The following TYW1 variants were observed in gnomAD, a reference collection of about 807,000 sequenced individuals.
The protein encoded by TYW1 is tRNA-yW synthesizing protein 1 homolog, also known as S-adenosyl-L-methionine-dependent tRNA 4-demethylwyosine synthase TYW1.
TYW1 carries 46 observed loss-of-function variants against 96.2 expected under a neutral mutation model. The ratio of observed to expected loss-of-function variants is 0.48; its 90% CI spans 0.38 to 0.61. The LOEUF (loss-of-function observed/expected upper bound fraction) is 0.61, where lower values mean the gene tolerates loss of function less well. TYW1 is among the 20% of genes least tolerant of loss of function. TYW1 has a pLI of 0.00. For missense variants in TYW1, 684 were observed against 909.6 expected, an observed-to-expected ratio of 0.75 and a Z score of 3.19; for synonymous variants, 274 against 323.0, an observed-to-expected ratio of 0.85 and a Z score of 1.63.
chr7:67,063,904 T>A (rs1795779971), intron 9 of TYW1, among the ~76,000 whole-genome samples: 1 of 152,136 alleles, frequency 6.6e-6, no homozygotes, highest in Non-Finnish European at 1.5e-5. Flanking sequence ...CCTGGCCGTA[T>A]TCTGTATATT....
intron 7 of TYW1, among the ~76,000 whole-genome samples, chr7:67,048,711 G>A (rs1217641145): frequency 6.6e-6 from 1 of 152,162 alleles, no homozygotes; most frequent in African/African-American, 2.4e-5. Context: ...AAGTCAACAG[G>A]AAACACAATT....
intron 7 of TYW1, among the ~76,000 whole-genome samples, chr7:67,029,085 GCCT>G (rs1346637509): frequency 4.6e-5 from 7 of 151,082 alleles, no homozygotes; most frequent in Non-Finnish European, 8.8e-5. Context: ...TGCAAGCTCT[GCCT>G]CCTGGGTTCA....
chr7:67,049,191 G>C (rs181061485), intron 7 of TYW1, among the ~76,000 whole-genome samples: 1 of 152,290 alleles, frequency 6.6e-6, no homozygotes, highest in Admixed American at 6.5e-5. Flanking sequence ...TTGTACATCA[G>C]GGGTTGTGCT....
At chr7:67,134,357 A>G (rs1189099647) in intron 13 of TYW1, among the ~76,000 whole-genome samples, 3 of 152,148 alleles carry the variant, frequency 2.0e-5, no homozygotes, top group African/African-American at 7.2e-5. Context: ...AGCCTGGACA[A>G]CATGGTGAAA....
intron 15 of TYW1, among the ~76,000 whole-genome samples, chr7:67,211,384 G>T (rs530416545): frequency 3.3e-5 from 5 of 152,124 alleles, no homozygotes; most frequent in Non-Finnish European, 7.4e-5. Flanking sequence ...AGTCAGCCAC[G>T]TGTTTTTGAC....
chr7:67,059,685 A>T (rs564980778), intron 9 of TYW1, among the ~76,000 whole-genome samples: 2 of 150,212 alleles, frequency 1.3e-5, no homozygotes, highest in African/African-American at 4.9e-5. Context: ...TAGTGATTCC[A>T]TTCTGATTTT....
At chr7:67,164,972 A>G (rs1799276552) in intron 13 of TYW1, among the ~76,000 whole-genome samples, 1 of 149,186 alleles carries the variant, frequency 6.7e-6, no homozygotes, top group South Asian at 2.2e-4. Flanking sequence ...CATTTTTAGA[A>G]ATGCAATTAC....
Position 67,238,814 on chromosome 7 carries a change from A to C in TYW1, c.*285A>C. 8.1e-7 allele frequency: 1 copy of C among 1,234,774 alleles called. No homozygotes were observed. The highest frequency in any genetic ancestry group is 1.0e-6 in the Non-Finnish European group (1 of 982,230). 76.5% of individuals were successfully genotyped at this position (1,234,774 alleles called of 1,614,324 possible). On this transcript the variant is annotated 3_prime_UTR_variant, in exon 16 of 16. Coordinates refer to ENST00000359626, the MANE Select transcript of TYW1 (RefSeq NM_018264.4). ...CACAGTCGTGATTAGAATTTATCTG[A>C]TGGTTTTGTATTATAACTTGTAAGA...
rs1460290619 is a variant in TYW1 at position 67,237,728 on chromosome 7, AAG to A, written c.1978-575_1978-574del. ...GTGACTTTTGAGAAGCAATTTTCTT[AAG>A]AGAGTACAAATTGGATTATCCCCTC... On this transcript the variant is annotated intron_variant, in intron 15 of 15. Transcript: ENST00000359626. 5.9e-5 allele frequency among the ~76,000 whole-genome samples: 9 copies of A among 152,196 alleles called. No individual in the cohort carries two copies. In the South Asian group the frequency reaches 1.9e-3, roughly 32 times the overall value.
rs1354551617 is a variant in TYW1 at position 67,069,892 on chromosome 7, C to T, written c.1274+2489C>T. 2.0e-5 allele frequency among the ~76,000 whole-genome samples: 3 copies of T among 152,216 alleles called. No individual in the cohort carries two copies. The East Asian group carries it at 5.8e-4, about 29-fold the overall frequency. ...TGTCCTTTCATTTTTGTCTGAAGGACTCCCTTTAGTATTTATCGTAGGGCA... is the reference window on the plus strand; with the variant it reads ...TGTCCTTTCATTTTTGTCTGAAGGATTCCCTTTAGTATTTATCGTAGGGCA... On this transcript the variant is annotated intron_variant, in intron 10 of 15. Transcript: ENST00000359626.
intron 14 of TYW1, among the ~76,000 whole-genome samples, chr7:67,184,734 G>A (rs1799968234): frequency 1.3e-5 from 2 of 149,644 alleles, no homozygotes; most frequent in Non-Finnish European, 3.0e-5. Flanking sequence ...TTGAGATGAA[G>A]TCTCGCTCTG....
At chr7:67,164,928 C>G (rs1489395165) in intron 13 of TYW1, among the ~76,000 whole-genome samples, 1 of 151,808 alleles carries the variant, frequency 6.6e-6, no homozygotes, top group African/African-American at 2.4e-5. Context: ...ATTCATCAGT[C>G]TTTGTTCATA....
chr7:67,203,510 G>A (rs1800669182), intron 15 of TYW1, among the ~76,000 whole-genome samples: 1 of 152,126 alleles, frequency 6.6e-6, no homozygotes, highest in African/African-American at 2.4e-5. Context: ...GTCTACTGGT[G>A]TCGGCATGTT....
At chr7:67,071,185 G>A (rs1300525888) in intron 10 of TYW1, among the ~76,000 whole-genome samples, 19 of 151,962 alleles carry the variant, frequency 1.3e-4, no homozygotes, top group Admixed American at 1.2e-3. Flanking sequence ...AACTCTGGAA[G>A]TCAGATTTTT....
intron 13 of TYW1, among the ~76,000 whole-genome samples, chr7:67,165,072 G>A (rs6978789): frequency 0.27 from 40,522 of 148,502 alleles, 6,057 homozygotes; most frequent in African/African-American, 0.39. Context: ...CACTCCCACC[G>A]TCAATGAACA....
At chr7:67,237,499 C>CA (rs386410332) in intron 15 of TYW1, among the ~76,000 whole-genome samples, 2,051 of 98,542 alleles carry the variant, frequency 0.021, 15 homozygotes, top group Non-Finnish European at 0.029. Flanking sequence ...GACTCTGTCT[C>CA]AAAAAAAAAA....
chr7:67,135,470 T>A (rs1237880760), intron 13 of TYW1, among the ~76,000 whole-genome samples: 1 of 151,620 alleles, frequency 6.6e-6, no homozygotes, highest in African/African-American at 2.4e-5. Flanking sequence ...ACACTGGCTA[T>A]TTTTTTGTAT....
intron 15 of TYW1, among the ~76,000 whole-genome samples, chr7:67,233,325 A>T (rs1329469128): frequency 2.9e-5 from 4 of 136,164 alleles, no homozygotes; most frequent in Non-Finnish European, 6.3e-5. Context: ...ACTAACAGAG[A>T]ACCTATGCCA....
rs1420761395 is a variant in TYW1, at chr7:67,195,100, T to C, written c.1810-70T>C. On this transcript the variant is annotated intron_variant, in intron 14 of 15. Transcript: ENST00000359626. ...GTTGACCTCAAGAAGGTTTTCCGGC[T>C]CTGAAAGTCTTCTTCTATGACATGC... The C allele has an allele frequency of 1.9e-6, 3 of 1,550,662 alleles. No homozygotes were observed. The African/African-American group carries it at 4.1e-5, about 21-fold the overall frequency.
Sources: allele counts gnomAD v4.1 joint callset (sites outside exome capture counted in the v4.1 genomes callset), GRCh38; gene constraint gnomAD v4.1.1; transcripts MANE v1.5; gene names NCBI Gene and HGNC (gene_info 2026-07-23, HGNC 2026-07-21).